GPR33: variants seen among roughly 807,000 people sequenced by gnomAD.
The protein encoded by GPR33 is probable G protein-coupled receptor 33.
Under a neutral mutation model 3.1 loss-of-function variants are expected in GPR33, and 4 were observed. The ratio of observed to expected loss-of-function variants is 1.29; its 90% CI spans 0.64 to 2.96. The LOEUF is 2.96. Ranked by LOEUF, GPR33 falls within the 30% of genes most tolerant of loss-of-function variation. GPR33 has a pLI of 0.01. For synonymous variants in GPR33, 138 were observed against 142.0 expected (o/e 0.97, Z 0.20); for missense variants, 390 against 388.9 (o/e 1.00, Z -0.02).
chr14:31,483,561 C>T lies in GPR33; in HGVS notation c.405G>A (p.Trp135Ter), dbSNP rs1267613056. The T allele has an allele frequency of 2.0e-6, 3 of 1,536,098 alleles. No homozygotes were observed. The highest frequency in any genetic ancestry group is 1.7e-6 in the Non-Finnish European group (2 of 1,146,894). Residue 135 changes from tryptophan (W) to a stop codon, truncating the protein, a stop_gained, in exon 2 of 2, where the codon TGG (tryptophan) becomes TGA (stop). Coordinates refer to ENST00000399285, the MANE Select transcript of GPR33 (RefSeq NM_001197184.3). LOFTEE classifies it high-confidence loss of function. ...DRYLLTLHPV[W>*]SQQHRTPRWA... is the part of the protein sequence containing the mutation. ...AGCGCGGGGTTCGGTGCTGCTGGGA[C>T]CACACTGGGTGAAGAGTGAGAAGGT...
At position 31,483,002 on chromosome 14, in the gene GPR33, ATG is replaced by A. The variant is rs1410975780; in HGVS notation, c.962_963del (p.Thr321IlefsTer2). 11 of 1,530,166 alleles carry A rather than the reference ATG, an allele frequency of 7.2e-6. No homozygotes were observed. The African/African-American group carries it at 1.5e-4, about 21-fold the overall frequency. 94.8% of individuals were successfully genotyped at this position (1,530,166 alleles called of 1,614,324 possible). A position where few individuals can be genotyped will look rare whatever the true frequency, so the allele number is the denominator to read the frequency against. ...CTTTCTACAGAAGAATCTTCACTAA[ATG>A]TTGACTCAAACAGAGCAAGAATGGA... ...KKSILALFES[T>X]FSEDSSVERT... On this transcript the variant is annotated frameshift_variant, in exon 2 of 2. Coordinates refer to ENST00000399285, the MANE Select transcript of GPR33 (RefSeq NM_001197184.3). LOFTEE classifies it high-confidence loss of function.
At chr14:31,486,999 A>C (rs1456207587) in intron 1 of GPR33, among the ~76,000 whole-genome samples, 1 of 151,860 alleles carries the variant, frequency 6.6e-6, no homozygotes, top group African/African-American at 2.4e-5. Context: ...TTTCTGTGGA[A>C]TGTGTGTATG....
intron 1 of GPR33, among the ~76,000 whole-genome samples, chr14:31,484,403 C>G (rs2032396280): frequency 6.6e-6 from 1 of 152,056 alleles, no homozygotes; most frequent in Non-Finnish European, 1.5e-5. Flanking sequence ...GCCTCAGCCT[C>G]CCAAGGAGTT....
Position 31,485,913 on chromosome 14 carries a change from C to T in GPR33, c.-6-1942G>A, listed in dbSNP as rs116799754. Reference sequence around the variant, plus strand: ...ATCCAATTTCTTGGATAATGGATCCCATGGTATCAAAAATATAAACCTGAG... The same window carrying T: ...ATCCAATTTCTTGGATAATGGATCCTATGGTATCAAAAATATAAACCTGAG... On this transcript the variant is annotated intron_variant, in intron 1 of 1. Coordinates refer to ENST00000399285, the MANE Select transcript of GPR33 (RefSeq NM_001197184.3). Among the ~76,000 whole-genome samples, 627 of 152,156 alleles carry T rather than the reference C, an allele frequency of 4.1e-3. 3 individuals carry two copies. The highest frequency in any genetic ancestry group is 0.014 in the African/African-American group (597 of 41,512).
chr14:31,487,108 T>C (rs2032427226), intron 1 of GPR33, among the ~76,000 whole-genome samples: 1 of 152,122 alleles, frequency 6.6e-6, no homozygotes, highest in African/African-American at 2.4e-5. Flanking sequence ...TTTTTTTTAA[T>C]TGTGCATCTG....
rs1457343393 is a variant in GPR33 at position 31,483,591 on chromosome 14, A to T, written c.375T>A (p.Asp125Glu). ...CTGGGTGAAGAGTGAGAAGGTAACG[A>T]TCAAGACCGATGGCCGAAAGGAAGA... Reference protein sequence around the residue: ...SVFFLSAIGLDRYLLTLHPVW... With the variant: ...SVFFLSAIGLERYLLTLHPVW... The change falls in exon 2 of 2, where the codon GAT becomes GAA. Residue 125 changes from aspartate (D) to glutamate (E), a missense_variant. By Grantham distance (45) the Asp-to-Glu change is conservative. Transcript: ENST00000399285. 1 of 1,536,152 alleles carries T rather than the reference A, an allele frequency of 6.5e-7. No individual in the cohort carries two copies. Among genetic ancestry groups the T allele is most frequent in the East Asian group, 2.4e-5 (1 of 40,920 alleles).
chr14:31,483,444 T>C lies in GPR33; in HGVS notation c.522A>G (p.Lys174=), dbSNP rs1375951262. The change falls in exon 2 of 2, where the codon AAA becomes AAG. Residue 174 remains lysine, a synonymous_variant. Transcript: ENST00000399285. ...LIFRETHHDR[K]GKVTCQNNYA... is the part of the protein sequence containing the mutation. The stretch of plus-strand genomic sequence containing the variant: ...AGTTATTTTGGCAAGTCACCTTTCC[T>C]TTACGGTCATGATGTGTCTCTCTGA... 7 of 1,536,034 alleles carry C rather than the reference T, an allele frequency of 4.6e-6. No homozygotes were observed. Among genetic ancestry groups the C allele is most frequent in the Non-Finnish European group, 6.1e-6 (7 of 1,146,924 alleles).
At chr14:31,484,073 T>C in intron 1 of GPR33, 102 bp from the exon 2 acceptor site, 1 of 919,124 alleles carries the variant, frequency 1.1e-6, no homozygotes, top group Admixed American at 3.1e-5. Context: ...ATACTTCTAG[T>C]CCAAATGATA....
rs557354337 is a variant in GPR33, at chr14:31,483,996, TAAC to T, written c.-6-28_-6-26del. Reference sequence around the variant, plus strand: ...CCTGTGGAGTGAGAAACAGTGAAAATAACAACAAGAAAAAGCAAAAGAAAAGGT... The same window carrying T: ...CCTGTGGAGTGAGAAACAGTGAAAATAACAAGAAAAAGCAAAAGAAAAGGT... On this transcript the variant is annotated intron_variant, in intron 1 of 1. Coordinates refer to ENST00000399285, the MANE Select transcript of GPR33 (RefSeq NM_001197184.3). 2,694 of 1,462,640 alleles carry T rather than the reference TAAC, an allele frequency of 1.8e-3. 8 individuals are homozygous for T. The highest frequency in any genetic ancestry group is 8.7e-3 in the East Asian group (351 of 40,182). The allele number at this position is 1,462,640 out of a possible 1,614,324, so 90.6% of individuals were successfully genotyped here.
intron 1 of GPR33, among the ~76,000 whole-genome samples, chr14:31,484,287 AT>A (rs200398426): frequency 1.3e-5 from 2 of 149,756 alleles, no homozygotes; most frequent in Admixed American, 1.3e-4. Context: ...TTAAAAATCT[AT>A]TTTTTTTTTC....
rs368198789 is a variant in GPR33 at position 31,484,480 on chromosome 14, C to G, written c.-6-509G>C. ...TTTGTTTGTTTTGTAGAGATGGGGT[C>G]TCACTATGTTGCCCAGCCTGGTCTT... On this transcript the variant is annotated intron_variant, in intron 1 of 1. Transcript: ENST00000399285. Among the ~76,000 whole-genome samples the G allele has an allele frequency of 1.1e-4, 17 of 152,152 alleles. No individual in the cohort carries two copies. In the East Asian group the frequency reaches 2.7e-3, roughly 24 times the overall value.
At chr14:31,487,703 G>T (rs957276290) in intron 1 of GPR33, among the ~76,000 whole-genome samples, 194 bp downstream of exon 1, 3 of 152,122 alleles carry the variant, frequency 2.0e-5, no homozygotes, top group African/African-American at 7.2e-5. Context: ...CTCCCAAAGT[G>T]CTGGGATTAC....
At chr14:31,485,043 C>T (rs183806476) in intron 1 of GPR33, among the ~76,000 whole-genome samples, 1 of 151,732 alleles carries the variant, frequency 6.6e-6, no homozygotes, top group African/African-American at 2.4e-5. Context: ...TCAAGCTATT[C>T]TCCTGTCTCA....
In GPR33 at chr14:31,483,126, A is replaced by C; in HGVS notation, c.840T>G (p.Thr280=). 2 of 1,536,094 alleles carry C rather than the reference A, an allele frequency of 1.3e-6. No individual in the cohort carries two copies. Among genetic ancestry groups the C allele is most frequent in the Non-Finnish European group, 1.7e-6 (2 of 1,146,864 alleles). Residue 280 remains threonine, a synonymous_variant, in exon 2 of 2, where the codon ACT becomes ACG. Transcript: ENST00000399285. ...AAGTGGTTAGCACTGTAAGTATCAAAGTCAACTCTAAAAGTAGTGACTGGT... is the reference window on the plus strand; with the variant it reads ...AAGTGGTTAGCACTGTAAGTATCAACGTCAACTCTAAAAGTAGTGACTGGT... ...TTNQSLLLEL[T]LILTVLTTSF...
In GPR33 at chr14:31,483,553, T is replaced by A; in HGVS notation, c.413A>T (p.Gln138Leu). The A allele has an allele frequency of 6.5e-7, 1 of 1,536,166 alleles. No individual in the cohort carries two copies. Among genetic ancestry groups the A allele is most frequent in the African/African-American group, 1.4e-5 (1 of 73,184 alleles). ...LLTLHPVWSQ[Q>L]HRTPRWASSI... ...GGAAGCCCAGCGCGGGGTTCGGTGC[T>A]GCTGGGACCACACTGGGTGAAGAGT... Residue 138 changes from glutamine to leucine, a missense_variant, in exon 2 of 2, where the codon CAG (glutamine) becomes CTG (leucine). Coordinates refer to ENST00000399285, the MANE Select transcript of GPR33 (RefSeq NM_001197184.3).
intron 1 of GPR33, among the ~76,000 whole-genome samples, chr14:31,487,440 T>G (rs1024567462): frequency 2.3e-5 from 3 of 130,802 alleles, no homozygotes; most frequent in South Asian, 5.5e-4. Context: ...CAGTTTTTTT[T>G]TTTTTTTTTT....
intron 1 of GPR33, among the ~76,000 whole-genome samples, chr14:31,485,656 T>A (rs890355022): frequency 8.1e-5 from 12 of 147,262 alleles, no homozygotes; most frequent in Middle Eastern, 3.6e-3. Context: ...AAAAAAAAAA[T>A]TCTGTTTTTC....
At position 31,482,892 on chromosome 14, in the gene GPR33, A is replaced by T. The variant is rs2032375078; in HGVS notation, c.*72T>A. 1 of 1,248,538 alleles carries T rather than the reference A, an allele frequency of 8.0e-7. No homozygotes were observed. The highest frequency in any genetic ancestry group is 1.1e-6 in the Non-Finnish European group (1 of 926,848). 77.3% of individuals were successfully genotyped at this position (1,248,538 alleles called of 1,614,324 possible). A position where few individuals can be genotyped will look rare whatever the true frequency, so the allele number is the denominator to read the frequency against. The stretch of plus-strand genomic sequence containing the variant: ...ACTATAGCATACAAAAGCAGAAGGT[A>T]TATCCTATTGGTATAATTGACCAAG... On this transcript the variant is annotated 3_prime_UTR_variant, in exon 2 of 2. Coordinates refer to ENST00000399285, the MANE Select transcript of GPR33 (RefSeq NM_001197184.3).
Position 31,483,789 on chromosome 14 carries a change from T to C in GPR33, c.177A>G (p.Lys59=). The stretch of plus-strand genomic sequence containing the variant: ...AAAATAAGAGAGTATTGACAGTCTG[T>C]TTCATCTTGAATCTTAGCACCCATA... ...LYLWVLRFKM[K]QTVNTLLFFH... The change falls in exon 2 of 2, where the codon AAA becomes AAG. Residue 59 remains lysine (K), a synonymous_variant. Transcript: ENST00000399285. The C allele has an allele frequency of 6.5e-7, 1 of 1,536,116 alleles. No homozygotes were observed. The highest frequency in any genetic ancestry group is 1.2e-5 in the South Asian group (1 of 84,064).
Sources: allele counts gnomAD v4.1 joint callset (sites outside exome capture counted in the v4.1 genomes callset), GRCh38; gene constraint gnomAD v4.1.1; transcripts MANE v1.5; gene names NCBI Gene and HGNC (gene_info 2026-07-23, HGNC 2026-07-21).